The following PAPPA2 variants were observed in gnomAD, a reference collection of about 807,000 sequenced individuals.
The protein encoded by PAPPA2 is pappalysin 2.
PAPPA2 carries 86 observed loss-of-function variants against 176.4 expected under a neutral mutation model. The observed-to-expected ratio is 0.49, with a 90% CI of 0.41 to 0.58. The LOEUF (loss-of-function observed/expected upper bound fraction) is 0.58. Among genes scored for constraint, PAPPA2 ranks in the 20% least tolerant of loss-of-function variants. The pLI, the probability that PAPPA2 is intolerant of heterozygous loss-of-function variation, is 0.00. For synonymous variants in PAPPA2, 809 were observed against 852.2 expected (o/e 0.95, Z 0.88); for missense variants, 2,073 against 2,256.9 (o/e 0.92, Z 1.65).
chr1:176,820,271 A>G (rs941730818), intron 21 of PAPPA2, among the ~76,000 whole-genome samples: 11 of 152,228 alleles, frequency 7.2e-5, no homozygotes, highest in African/African-American at 2.2e-4. Context: ...AGTCGTATAC[A>G]TTGTTTTTCT....
chr1:176,538,228 AACAGTTGGGATG>A (rs1280118760), intron 1 of PAPPA2, among the ~76,000 whole-genome samples: 1 of 152,060 alleles, frequency 6.6e-6, no homozygotes, highest in Non-Finnish European at 1.5e-5. Flanking sequence ...TCACTTCCCC[AACAGTTGGGATG>A]GACCCCAGGA....
intron 2 of PAPPA2, among the ~76,000 whole-genome samples, chr1:176,571,979 A>T (rs900266554): frequency 2.0e-5 from 3 of 152,184 alleles, no homozygotes; most frequent in African/African-American, 7.2e-5. Context: ...AAACCTCGAG[A>T]TGAAGATTCC....
chr1:176,646,333 G>A (rs918159745), intron 3 of PAPPA2, among the ~76,000 whole-genome samples: 5 of 150,970 alleles, frequency 3.3e-5, no homozygotes, highest in African/African-American at 9.7e-5. Context: ...TTTGATTCAG[G>A]CATACAATGC....
intron 1 of PAPPA2, among the ~76,000 whole-genome samples, chr1:176,522,406 A>T (rs1649263600): frequency 6.6e-6 from 1 of 152,160 alleles, no homozygotes. Flanking sequence ...TCCATCTTTC[A>T]GTAGAAAAAA....
At chr1:176,584,755 G>A (rs1031682233) in intron 2 of PAPPA2, among the ~76,000 whole-genome samples, 3 of 151,520 alleles carry the variant, frequency 2.0e-5, no homozygotes, top group Non-Finnish European at 4.4e-5. Flanking sequence ...ATTTTTTTGA[G>A]ATGGTGTCTT....
chr1:176,649,277 G>C (rs1191140160), intron 3 of PAPPA2, among the ~76,000 whole-genome samples: 1 of 151,172 alleles, frequency 6.6e-6, no homozygotes, highest in African/African-American at 2.4e-5. Flanking sequence ...GAAATACAGA[G>C]GGGTCCTTTT....
chr1:176,756,424 ACT>A (rs1387650897), intron 14 of PAPPA2, among the ~76,000 whole-genome samples: 7 of 152,072 alleles, frequency 4.6e-5, no homozygotes, highest in African/African-American at 1.7e-4. Context: ...CAAAGTTCAG[ACT>A]CATGTTGTTC....
intron 12 of PAPPA2, among the ~76,000 whole-genome samples, chr1:176,714,085 A>G (rs1166637511): frequency 6.6e-6 from 1 of 152,138 alleles, no homozygotes; most frequent in Admixed American, 6.5e-5. Flanking sequence ...TCGGGGTGAG[A>G]CAAGAGGAAA....
At chr1:176,548,774 T>A (rs1650774805) in intron 1 of PAPPA2, among the ~76,000 whole-genome samples, 1 of 152,174 alleles carries the variant, frequency 6.6e-6, no homozygotes. Context: ...ACACTGGGCA[T>A]GTGGTATGCG....
chr1:176,631,296 C>A (rs953018658), intron 3 of PAPPA2, among the ~76,000 whole-genome samples: 25 of 152,116 alleles, frequency 1.6e-4, no homozygotes, highest in African/African-American at 6.0e-4. Flanking sequence ...CACAAAAGAT[C>A]ACTATGATTC....
At chr1:176,778,647 C>T (rs138026109) in intron 17 of PAPPA2, among the ~76,000 whole-genome samples, 44 of 152,248 alleles carry the variant, frequency 2.9e-4, no homozygotes, top group African/African-American at 9.1e-4. Flanking sequence ...TGTGTCATAG[C>T]GGTGTGCCTA....
intron 6 of PAPPA2, among the ~76,000 whole-genome samples, chr1:176,693,958 A>C (rs895981681): frequency 4.6e-5 from 7 of 152,196 alleles, no homozygotes; most frequent in African/African-American, 1.7e-4. Context: ...GATAAAGCAG[A>C]CATCAGTACG....
chr1:176,647,381 T>A (rs765680676), intron 3 of PAPPA2, among the ~76,000 whole-genome samples: 1 of 151,784 alleles, frequency 6.6e-6, no homozygotes, highest in Non-Finnish European at 1.5e-5. Flanking sequence ...ACTTTGTTGA[T>A]TGTTTCCTTT....
At chr1:176,654,562 T>G (rs542180833) in intron 3 of PAPPA2, among the ~76,000 whole-genome samples, 1 of 151,172 alleles carries the variant, frequency 6.6e-6, no homozygotes, top group African/African-American at 2.4e-5. Context: ...GCTTTGGCTG[T>G]TCAAGCTGTT....
intron 1 of PAPPA2, among the ~76,000 whole-genome samples, chr1:176,541,255 C>A (rs1257153764): frequency 6.6e-6 from 1 of 152,202 alleles, no homozygotes; most frequent in Non-Finnish European, 1.5e-5. Flanking sequence ...CAGTTAGAGG[C>A]TTCCACATGA....
At chr1:176,583,999 G>A (rs149738081) in intron 2 of PAPPA2, among the ~76,000 whole-genome samples, 1 of 152,210 alleles carries the variant, frequency 6.6e-6, no homozygotes, top group South Asian at 2.1e-4. Flanking sequence ...AGGCTGTACT[G>A]CCACTGAACT....
At chr1:176,766,678 C>T (rs931608722) in intron 15 of PAPPA2, among the ~76,000 whole-genome samples, 1 of 152,126 alleles carries the variant, frequency 6.6e-6, no homozygotes, top group South Asian at 2.1e-4. Context: ...CATGTATTCT[C>T]AACTAAGAAT....
chr1:176,670,885 A>G (rs1466234758), intron 3 of PAPPA2, 85 bp from the exon 4 acceptor site: 2 of 1,544,308 alleles, frequency 1.3e-6, no homozygotes, highest in South Asian at 1.2e-5. Context: ...TGGGAGTGCC[A>G]TTAGAATCTG....
rs543370317 is a variant in PAPPA2, at chr1:176,814,855, T to C, written c.5202+14723T>C. Among the ~76,000 whole-genome samples the C allele has an allele frequency of 1.7e-4, 26 of 152,346 alleles. 1 individual carries two copies. In the South Asian group the frequency reaches 5.2e-3, roughly 30 times the overall value. On this transcript the variant is annotated intron_variant, in intron 21 of 22. Transcript: ENST00000367662. ...AGTGGTGAGAGAAGGCATCCTTGTCTTGTGCTGGTTTTCAAGGGGAATGCT... is the reference window on the plus strand; with the variant it reads ...AGTGGTGAGAGAAGGCATCCTTGTCCTGTGCTGGTTTTCAAGGGGAATGCT...
Sources: gnomAD v4.1 joint callset for allele counts (sites outside exome capture counted in the v4.1 genomes callset) on GRCh38, gnomAD v4.1.1 for gene constraint, MANE v1.5 for transcripts, NCBI Gene and HGNC (gene_info 2026-07-23, HGNC 2026-07-21) for gene names.